Variants in TMEM245 observed in about 807,000 individuals in gnomAD.
TMEM245 encodes the protein protein CG-2.
TMEM245 carries 69 observed loss-of-function variants against 101.2 expected under a neutral mutation model. The ratio of observed to expected loss-of-function variants is 0.68; its 90% CI spans 0.56 to 0.83. The LOEUF is 0.83. Ranked by LOEUF, TMEM245 falls within the 40% of genes least tolerant of loss-of-function variation. TMEM245 has a pLI of 0.00. For synonymous variants in TMEM245, 537 were observed against 449.8 expected, an observed-to-expected ratio of 1.19 and a Z score of -2.45; for missense variants, 1,075 against 1,092.8, an observed-to-expected ratio of 0.98 and a Z score of 0.23.
At chr9:109,031,057 T>C (rs1827930863) in intron 17 of TMEM245, among the ~76,000 whole-genome samples, 1 of 152,224 alleles carries the variant, frequency 6.6e-6, no homozygotes, top group Admixed American at 6.5e-5. Context: ...GAATGCCATA[T>C]AGTTTCCGGA....
At chr9:109,100,824 T>TA (rs1830265150) in intron 3 of TMEM245, among the ~76,000 whole-genome samples, 1 of 152,224 alleles carries the variant, frequency 6.6e-6, no homozygotes, top group South Asian at 2.1e-4. Flanking sequence ...ATAGCACATT[T>TA]AAAAGCACTT....
rs1827470721 is a variant in TMEM245 at position 109,017,145 on chromosome 9, G to A, written c.*3315C>T. On this transcript the variant is annotated 3_prime_UTR_variant, in exon 18 of 18. Coordinates refer to ENST00000374586, the MANE Select transcript of TMEM245 (RefSeq NM_032012.4). Reference sequence around the variant, plus strand: ...CACAATGGGTTCATGTGAAGATCAAGGTGAGCCAGAAGATCTCATCTGCAA... The same window carrying A: ...CACAATGGGTTCATGTGAAGATCAAAGTGAGCCAGAAGATCTCATCTGCAA... 1 of 152,194 alleles carries A rather than the reference G, an allele frequency of 6.6e-6. No individual in the cohort carries two copies. Among genetic ancestry groups the A allele is most frequent in the East Asian group, 1.9e-4 (1 of 5,194 alleles). 9.4% of individuals were successfully genotyped at this position (152,194 alleles called of 1,614,324 possible).
chr9:109,084,833 G>C (rs1829786354), intron 7 of TMEM245, among the ~76,000 whole-genome samples: 1 of 152,184 alleles, frequency 6.6e-6, no homozygotes, highest in African/African-American at 2.4e-5. Flanking sequence ...AACCATGTGA[G>C]AGTGTGGGAG....
intron 14 of TMEM245, among the ~76,000 whole-genome samples, chr9:109,046,665 A>T (rs974183758): frequency 6.6e-6 from 1 of 152,232 alleles, no homozygotes; most frequent in Non-Finnish European, 1.5e-5. Context: ...ATTTCCACTT[A>T]GCTGCAACAT....
rs1827615056 is a variant in TMEM245, at chr9:109,021,317, CA to C, written c.2595-813del. Among the ~76,000 whole-genome samples, 8 of 152,304 alleles carry C rather than the reference CA, an allele frequency of 5.3e-5. No homozygotes were observed. In the South Asian group the frequency reaches 1.7e-3, roughly 32 times the overall value. ...GCACCCATATTAGACAAAAATGCCT[CA>C]CACCAAGGCTGGCAGTACATCAGGA... On this transcript the variant is annotated intron_variant, in intron 17 of 17. Transcript: ENST00000374586.
At position 109,032,365 on chromosome 9, in the gene TMEM245, C is replaced by CTTTTT. The variant is rs755399182; in HGVS notation, c.2594+937_2594+941dup. Among the ~76,000 whole-genome samples, 230 of 40,972 alleles carry CTTTTT rather than the reference C, an allele frequency of 5.6e-3. 77 individuals are homozygous for CTTTTT. Among genetic ancestry groups the CTTTTT allele is most frequent in the Non-Finnish European group, 6.1e-3 (139 of 22,612 alleles). The allele number at this position is 40,972 out of a possible 152,430, so 26.9% of individuals were successfully genotyped here. A position where few individuals can be genotyped will look rare whatever the true frequency, so the allele number is the denominator to read the frequency against. On this transcript the variant is annotated intron_variant, in intron 17 of 17. Coordinates refer to ENST00000374586, the MANE Select transcript of TMEM245 (RefSeq NM_032012.4). Reference sequence around the variant, plus strand: ...GCATTTGGTTGTCCTATTTCTTTTCCTTTTTTTTTTTTTTTTTTTTTTTTT... The same window carrying CTTTTT: ...GCATTTGGTTGTCCTATTTCTTTTCCTTTTTTTTTTTTTTTTTTTTTTTTTTTTTT...
chr9:109,084,768 C>T (rs955757724), intron 7 of TMEM245, among the ~76,000 whole-genome samples: 4 of 152,140 alleles, frequency 2.6e-5, no homozygotes, highest in Admixed American at 2.0e-4. Context: ...ACATCATTTG[C>T]CAAGGATTGA....
chr9:109,043,277 G>C (rs181859223), intron 14 of TMEM245, among the ~76,000 whole-genome samples: 1 of 152,138 alleles, frequency 6.6e-6, no homozygotes, highest in Non-Finnish European at 1.5e-5. Flanking sequence ...CAAACATCAC[G>C]ATAGACGTGG....
At chr9:109,063,329 A>AGGCTG (rs906127128) in intron 10 of TMEM245, among the ~76,000 whole-genome samples, 1 of 152,164 alleles carries the variant, frequency 6.6e-6, no homozygotes, top group African/African-American at 2.4e-5. Flanking sequence ...CATGTTGGTC[A>AGGCTG]GGCTGGTCTC....
chr9:109,055,952 G>C (rs962897154), intron 12 of TMEM245, among the ~76,000 whole-genome samples: 1 of 152,076 alleles, frequency 6.6e-6, no homozygotes. Flanking sequence ...TGTTTCAAAG[G>C]CAAGTTGAAG....
At position 109,064,510 on chromosome 9, in the gene TMEM245, C is replaced by G. The variant is rs370096473; in HGVS notation, c.1590G>C (p.Val530=). ...QRALNSAANN[V]YQYGREWITH... The stretch of plus-strand genomic sequence containing the variant: ...TTATCCATTCTCGTCCATACTGATA[C>G]ACGTTGTTAGCCGCAGAATTCAGGG... The change falls in exon 10 of 18, where the codon GTG becomes GTC. Residue 530 remains valine (V), a synonymous_variant. Coordinates refer to ENST00000374586, the MANE Select transcript of TMEM245 (RefSeq NM_032012.4). The G allele has an allele frequency of 8.1e-6, 13 of 1,613,982 alleles. No homozygotes were observed. In the African/African-American group the frequency reaches 1.2e-4, roughly 15 times the overall value.
chr9:109,020,731 A>G (rs1385208416), intron 17 of TMEM245, among the ~76,000 whole-genome samples: 1 of 152,218 alleles, frequency 6.6e-6, no homozygotes, highest in Non-Finnish European at 1.5e-5. Context: ...CCCTGAAACT[A>G]CACATGACCA....
intron 9 of TMEM245, among the ~76,000 whole-genome samples, chr9:109,072,795 C>T (rs996072502): frequency 2.0e-5 from 3 of 152,162 alleles, no homozygotes; most frequent in African/African-American, 7.2e-5. Flanking sequence ...TGCTTGAGCC[C>T]AGGAGTTCAA....
chr9:109,094,228 T>G (rs898042250), intron 3 of TMEM245, among the ~76,000 whole-genome samples: 1 of 152,206 alleles, frequency 6.6e-6, no homozygotes, highest in Admixed American at 6.5e-5. Flanking sequence ...AAACATTCAC[T>G]GGCAAAGGAA....
chr9:109,115,691 G>A (rs914750444), intron 1 of TMEM245, among the ~76,000 whole-genome samples: 4 of 151,460 alleles, frequency 2.6e-5, no homozygotes, highest in African/African-American at 7.3e-5. Context: ...CGTCACACCC[G>A]GCTAATTTTT....
At chr9:109,098,017 G>A (rs1343721993) in intron 3 of TMEM245, among the ~76,000 whole-genome samples, 3 of 152,142 alleles carry the variant, frequency 2.0e-5, no homozygotes, top group South Asian at 2.1e-4. Context: ...TGTTGGCTTC[G>A]ACAGTATAAA....
At chr9:109,067,093 G>T (rs891948880) in intron 9 of TMEM245, among the ~76,000 whole-genome samples, 3 of 151,774 alleles carry the variant, frequency 2.0e-5, no homozygotes, top group Non-Finnish European at 2.9e-5. Flanking sequence ...ATTCATAGAG[G>T]TATCTGGACA....
At chr9:109,115,002 A>G (rs1830676293) in intron 1 of TMEM245, among the ~76,000 whole-genome samples, 1 of 152,196 alleles carries the variant, frequency 6.6e-6, no homozygotes, top group Non-Finnish European at 1.5e-5. Flanking sequence ...AGAAATCTAC[A>G]AGTGACATGA....
chr9:109,102,787 A>G (rs1444048666), intron 3 of TMEM245, among the ~76,000 whole-genome samples: 3 of 152,270 alleles, frequency 2.0e-5, no homozygotes, highest in Non-Finnish European at 4.4e-5. Flanking sequence ...TTTAAAACAT[A>G]CTGCAGCTAG....
Sources: allele counts gnomAD v4.1 joint callset (sites outside exome capture counted in the v4.1 genomes callset), GRCh38; gene constraint gnomAD v4.1.1; transcripts MANE v1.5; gene names NCBI Gene and HGNC (gene_info 2026-07-23, HGNC 2026-07-21).